The following ZNF738 variants were observed in gnomAD, a reference collection of about 807,000 sequenced individuals.
The protein encoded by ZNF738 is zinc finger protein 738.
ZNF738 carries 10 observed loss-of-function variants against 9.2 expected under a neutral mutation model. The observed-to-expected ratio is 1.09, with a 90% confidence interval of 0.67 to 1.85. ZNF738 has a LOEUF of 1.85. Among genes scored for constraint, ZNF738 ranks in the 40% most tolerant of loss-of-function variants. The pLI is 0.00. For synonymous variants in ZNF738, 113 were observed against 94.5 expected (o/e 1.20, Z -1.14); for missense variants, 346 against 283.6 (o/e 1.22, Z -1.58).
chr19:21,386,474 A>G lies in ZNF738; in HGVS notation c.*2800A>G. The G allele has an allele frequency of 5.8e-6, 2 of 343,426 alleles. No individual in the cohort carries two copies. The highest frequency in any genetic ancestry group is 2.8e-5 in the South Asian group (1 of 35,128). The allele number at this position is 343,426 out of a possible 1,614,324, so 21.3% of individuals were successfully genotyped here. Reference sequence around the variant, plus strand: ...CAGTCCTCAACTCCCACTAAACATAACATAATTCATACTGGAGAGAAACCT... The same window carrying G: ...CAGTCCTCAACTCCCACTAAACATAGCATAATTCATACTGGAGAGAAACCT... On this transcript the variant is annotated 3_prime_UTR_variant, in exon 5 of 5. Transcript: ENST00000683779.
At chr19:21,376,065 A>G (rs1973924222) in intron 4 of ZNF738, 101 bp downstream of exon 4, 1 of 546,428 alleles carries the variant, frequency 1.8e-6, no homozygotes, top group Non-Finnish European at 3.3e-6. Context: ...GCTGTGTTCC[A>G]AAGCAAATAG....
At chr19:21,365,410 A>G (rs767967430) in intron 2 of ZNF738, among the ~76,000 whole-genome samples, 2 of 152,096 alleles carry the variant, frequency 1.3e-5, no homozygotes, top group Non-Finnish European at 2.9e-5. Context: ...CCCTGGTTCA[A>G]TATGCCTGAC....
intron 4 of ZNF738, chr19:21,377,357 T>A (rs1973942514): frequency 1.5e-6 from 1 of 675,234 alleles, no homozygotes; most frequent in Admixed American, 2.3e-5. Flanking sequence ...CTTCACTTAC[T>A]AATATTCTGT....
intron 2 of ZNF738, chr19:21,371,963 G>A (rs1973862618): frequency 6.6e-6 from 1 of 151,570 alleles, no homozygotes; most frequent in African/African-American, 2.4e-5. Context: ...TTCTTTTTTA[G>A]ACGGAGTTTC....
chr19:21,363,361 T>C lies in ZNF738; in HGVS notation c.96+1503T>C, dbSNP rs140669216. ...ATATTGAGACTGTAAAAGTAGGTTA[T>C]TAAAGGTCCAGTTAGTTTTTTCTGG... On this transcript the variant is annotated intron_variant, in intron 2 of 4. Coordinates refer to ENST00000683779, the MANE Select transcript of ZNF738 (RefSeq NM_001355237.2). Among the ~76,000 whole-genome samples, 281 of 152,256 alleles carry C rather than the reference T, an allele frequency of 1.8e-3. 4 individuals carry two copies. The highest frequency in any genetic ancestry group is 5.0e-4 in the Non-Finnish European group (34 of 68,010).
At chr19:21,361,411 A>G (rs1006732349) in intron 1 of ZNF738, among the ~76,000 whole-genome samples, 3 of 152,198 alleles carry the variant, frequency 2.0e-5, no homozygotes, top group African/African-American at 7.2e-5. Flanking sequence ...AAGTGTGGGG[A>G]TTACAGGCGT....
intron 4 of ZNF738, chr19:21,381,501 CTT>C: frequency 1.0e-6 from 1 of 994,594 alleles, no homozygotes. Context: ...TTTTCTTTTT[CTT>C]TTTTTTTCGA....
chr19:21,371,909 A>T (rs1468048995), intron 2 of ZNF738: 2 of 152,164 alleles, frequency 1.3e-5, no homozygotes, highest in African/African-American at 4.8e-5. Context: ...GCAAAAATAG[A>T]TTAGTGTTAC....
chr19:21,379,646 C>G (rs17680605), intron 4 of ZNF738, among the ~76,000 whole-genome samples: 21,072 of 152,066 alleles, frequency 0.14, 1,968 homozygotes, highest in Non-Finnish European at 0.21. Flanking sequence ...CTTCAAAGGC[C>G]CCTACAAGCA....
intron 2 of ZNF738, among the ~76,000 whole-genome samples, chr19:21,362,700 C>G (rs1442276005): frequency 6.6e-6 from 1 of 152,066 alleles, no homozygotes; most frequent in East Asian, 1.9e-4. Flanking sequence ...ACGTGGGATT[C>G]AAAAAAATTA....
In ZNF738 at chr19:21,386,073, T is replaced by C. The variant is rs1599722201; in HGVS notation, c.*2399T>C. Among the ~76,000 whole-genome samples, 9 of 152,258 alleles carry C rather than the reference T, an allele frequency of 5.9e-5. No individual in the cohort carries two copies. Among genetic ancestry groups the C allele is most frequent in the African/African-American group, 2.4e-5 (1 of 41,550 alleles). On this transcript the variant is annotated 3_prime_UTR_variant, in exon 5 of 5. Transcript: ENST00000683779. ...TTCTCATACCTTATTAAACATAAAATCTTACAGGAGAGAAATTATACAAAT... is the reference window on the plus strand; with the variant it reads ...TTCTCATACCTTATTAAACATAAAACCTTACAGGAGAGAAATTATACAAAT...
rs1265713524 is a variant in ZNF738, at chr19:21,386,053, A to T, written c.*2379A>T. On this transcript the variant is annotated 3_prime_UTR_variant, in exon 5 of 5. Transcript: ENST00000683779. ...ATCTCAAAACTTTTTATAGATTCTC[A>T]TACCTTATTAAACATAAAATCTTAC... Among the ~76,000 whole-genome samples, 4 of 152,086 alleles carry T rather than the reference A, an allele frequency of 2.6e-5. No homozygotes were observed. The highest frequency in any genetic ancestry group is 7.2e-5 in the African/African-American group (3 of 41,412).
rs770886412 is a variant in ZNF738 at position 21,375,219 on chromosome 19, G to GTT, written c.97-18_97-17insTT. Reference sequence around the variant, plus strand: ...CCCGTGGACACTTGTAAATATGTGTGTGTGTGTGTGTTTTTCAGGGGCCGT... The same window carrying GTT: ...CCCGTGGACACTTGTAAATATGTGTGTTTGTGTGTGTGTTTTTCAGGGGCCGT... On this transcript the variant is annotated intron_variant, in intron 2 of 4. Transcript: ENST00000683779. The GTT allele has an allele frequency of 9.3e-7, 1 of 1,073,966 alleles. No individual in the cohort carries two copies. Among genetic ancestry groups the GTT allele is most frequent in the East Asian group, 2.4e-5 (1 of 40,844 alleles). 66.5% of individuals were successfully genotyped at this position (1,073,966 alleles called of 1,614,324 possible).
intron 2 of ZNF738, among the ~76,000 whole-genome samples, chr19:21,373,877 T>C (rs1198762375): frequency 2.0e-5 from 3 of 152,048 alleles, no homozygotes; most frequent in Non-Finnish European, 4.4e-5. Context: ...CATTTACTTC[T>C]CTACTTGTGT....
chr19:21,368,582 C>T (rs977231037), intron 2 of ZNF738, among the ~76,000 whole-genome samples: 2 of 151,940 alleles, frequency 1.3e-5, no homozygotes, highest in Non-Finnish European at 2.9e-5. Flanking sequence ...CTCAGCCACC[C>T]GAGTAGCTGG....
chr19:21,363,285 A>G (rs1281456767), intron 2 of ZNF738, among the ~76,000 whole-genome samples: 2 of 151,968 alleles, frequency 1.3e-5, no homozygotes, highest in Non-Finnish European at 2.9e-5. Flanking sequence ...CAAGTGAGCA[A>G]CTCTAACATG....
At position 21,359,028 on chromosome 19, in the gene ZNF738, C is replaced by G. The variant is rs1230486808; in HGVS notation, c.-113C>G. 2.5e-6 allele frequency: 2 copies of G among 787,416 alleles called. No homozygotes were observed. The highest frequency in any genetic ancestry group is 2.7e-5 in the South Asian group (2 of 75,000). 48.8% of individuals were successfully genotyped at this position (787,416 alleles called of 1,614,324 possible). Reference sequence around the variant, plus strand: ...TTTGGCTGCCGCTGGAACTCCGGGTCTCGTCTTCACTGCTCTGTGTCCTCT... The same window carrying G: ...TTTGGCTGCCGCTGGAACTCCGGGTGTCGTCTTCACTGCTCTGTGTCCTCT... On this transcript the variant is annotated 5_prime_UTR_variant, in exon 1 of 5. Coordinates refer to ENST00000683779, the MANE Select transcript of ZNF738 (RefSeq NM_001355237.2).
intron 4 of ZNF738, chr19:21,379,165 T>C (rs1973976666): frequency 1.3e-5 from 2 of 152,122 alleles, no homozygotes; most frequent in South Asian, 2.1e-4. Flanking sequence ...ATTTTACTCA[T>C]TGAGTATTCA....
chr19:21,372,823 A>T (rs1973873541), intron 2 of ZNF738: 1 of 152,206 alleles, frequency 6.6e-6, no homozygotes. Context: ...CTTAATAAAC[A>T]TTGCATTAGT....
Sources: gnomAD v4.1 joint callset for allele counts (sites outside exome capture counted in the v4.1 genomes callset) on GRCh38, gnomAD v4.1.1 for gene constraint, MANE v1.5 for transcripts, NCBI Gene and HGNC (gene_info 2026-07-23, HGNC 2026-07-21) for gene names.